ALKAL2: variants seen among roughly 807,000 people sequenced by gnomAD.
ALKAL2 encodes AUG-alpha.
ALKAL2 carries 8 observed loss-of-function variants against 18.5 expected under a neutral mutation model. The ratio of observed to expected loss-of-function variants is 0.43; its 90% confidence interval spans 0.25 to 0.78. The LOEUF (loss-of-function observed/expected upper bound fraction) is 0.78. Among genes scored for constraint, ALKAL2 ranks in the 30% least tolerant of loss-of-function variants. The probability of loss-of-function intolerance (pLI) is 0.22; values close to 1 mark genes in which losing one functional copy is unlikely to be tolerated. For synonymous variants in ALKAL2, 135 were observed against 95.8 expected, an observed-to-expected ratio of 1.41 and a Z score of -2.39; for missense variants, 241 against 211.2, an observed-to-expected ratio of 1.14 and a Z score of -0.88.
chr2:279,999 T>C lies in ALKAL2; in HGVS notation c.*148A>G. 2 of 845,204 alleles carry C rather than the reference T, an allele frequency of 2.4e-6. No individual in the cohort carries two copies. Among genetic ancestry groups the C allele is most frequent in the Middle Eastern group, 2.3e-4 (1 of 4,402 alleles). 52.4% of individuals were successfully genotyped at this position (845,204 alleles called of 1,614,324 possible). On this transcript the variant is annotated 3_prime_UTR_variant, in exon 6 of 6. Coordinates refer to ENST00000403610, the MANE Select transcript of ALKAL2 (RefSeq NM_001002919.3). ...ATATATCTGCAAACTGTCAACAACATACAAAACTCAAAGGACTTATGGAAG... is the reference window on the plus strand; with the variant it reads ...ATATATCTGCAAACTGTCAACAACACACAAAACTCAAAGGACTTATGGAAG...
intron 5 of ALKAL2, among the ~76,000 whole-genome samples, chr2:282,336 G>T (rs1360873580): frequency 6.6e-6 from 1 of 152,248 alleles, no homozygotes; most frequent in African/African-American, 2.4e-5. Context: ...ATGTGCTCCG[G>T]ACAGCTATCA....
At position 283,488 on chromosome 2, in the gene ALKAL2, G is replaced by A. The variant is rs961754780; in HGVS notation, c.389-313C>T. On this transcript the variant is annotated intron_variant, in intron 4 of 5. Transcript: ENST00000403610. ...CTTCTCTCAGAAATAACTTCATTTCGCTTCCTACGTGACAATCCTTCCGTA... is the reference window on the plus strand; with the variant it reads ...CTTCTCTCAGAAATAACTTCATTTCACTTCCTACGTGACAATCCTTCCGTA... 7 of 985,278 alleles carry A rather than the reference G, an allele frequency of 7.1e-6. No homozygotes were observed. The African/African-American group carries it at 8.7e-5, about 12-fold the overall frequency. The allele number at this position is 985,278 out of a possible 1,614,324, so 61.0% of individuals were successfully genotyped here.
At chr2:286,866 G>A (rs915550324) in intron 2 of ALKAL2, 3 of 152,640 alleles carry the variant, frequency 2.0e-5, no homozygotes, top group Non-Finnish European at 4.4e-5. Context: ...GAATATGCAT[G>A]AACCTGGTTT....
rs767220052 is a variant in ALKAL2, at chr2:283,136, A to C, written c.428T>G (p.Val143Gly). The C allele has an allele frequency of 6.8e-6, 11 of 1,613,048 alleles. No individual in the cohort carries two copies. In the Admixed American group the frequency reaches 8.3e-5, roughly 12 times the overall value. Reference sequence around the variant, plus strand: ...CTTATCCTCCATGCACACTGGACTGACAGCCAGCCGGGTAAGAAGCCTGGC... The same window carrying C: ...CTTATCCTCCATGCACACTGGACTGCCAGCCAGCCGGGTAAGAAGCCTGGC... ...RCARLLTRLA[V>G]SPVCMEDKQ is the part of the protein sequence containing the mutation. The change falls in exon 5 of 6, where the codon GTC becomes GGC. Residue 143 changes from valine (V) to glycine (G), a missense_variant. By Grantham distance (109) the Val-to-Gly change is moderately radical. Transcript: ENST00000403610.
rs1670275854 is a variant in ALKAL2 at position 279,785 on chromosome 2, G to C, written c.*362C>G. On this transcript the variant is annotated 3_prime_UTR_variant, in exon 6 of 6. Transcript: ENST00000403610. ...AAAGTAATACAGAATATCAAATTAT[G>C]TTATATGAAAATATACTTTAAGATT... The C allele has an allele frequency of 4.5e-6, 1 of 220,050 alleles. No homozygotes were observed. Among genetic ancestry groups the C allele is most frequent in the African/African-American group, 2.2e-5 (1 of 44,562 alleles). 13.6% of individuals were successfully genotyped at this position (220,050 alleles called of 1,614,324 possible). A position where few individuals can be genotyped will look rare whatever the true frequency, so the allele number is the denominator to read the frequency against.
At chr2:283,063 G>A (rs1670402657) in intron 5 of ALKAL2, 48 bp downstream of exon 5, 1 of 1,554,166 alleles carries the variant, frequency 6.4e-7, no homozygotes. Context: ...TCCCAAGCGG[G>A]ATTCCCATCT....
chr2:287,783 GC>G lies in ALKAL2; in HGVS notation c.52del (p.Ala18ArgfsTer74). ...LLLGLLLVLGAAGRGRGGAEP... is the reference protein window; with the variant it reads ...LLLGLLLVLGXAGRGRGGAEP... ...CGCGCCCCCCCGGCCGCGCCCCGCCGCCCCCAGCACCAGCAGCAGCCCCAGG... is the reference window on the plus strand; with the variant it reads ...CGCGCCCCCCCGGCCGCGCCCCGCCGCCCCAGCACCAGCAGCAGCCCCAGG... On this transcript the variant is annotated frameshift_variant, in exon 2 of 6. Coordinates refer to ENST00000403610, the MANE Select transcript of ALKAL2 (RefSeq NM_001002919.3). LOFTEE classifies it high-confidence loss of function. 2.3e-6 allele frequency: 3 copies of G among 1,284,768 alleles called. No individual in the cohort carries two copies. The highest frequency in any genetic ancestry group is 1.6e-5 in the South Asian group (1 of 60,944). The allele number at this position is 1,284,768 out of a possible 1,614,324, so 79.6% of individuals were successfully genotyped here.
chr2:288,049 G>A lies in ALKAL2; in HGVS notation c.-94C>T, dbSNP rs1670591302. 1 of 1,214,374 alleles carries A rather than the reference G, an allele frequency of 8.2e-7. No individual in the cohort carries two copies. The allele number at this position is 1,214,374 out of a possible 1,614,324, so 75.2% of individuals were successfully genotyped here. On this transcript the variant is annotated 5_prime_UTR_variant, in exon 1 of 6. Coordinates refer to ENST00000403610, the MANE Select transcript of ALKAL2 (RefSeq NM_001002919.3). Reference sequence around the variant, plus strand: ...CCGAGGAACAAGCCGGCAGGTGAGGGAGCCGCGGTCTCCTCGACGATCACG... The same window carrying A: ...CCGAGGAACAAGCCGGCAGGTGAGGAAGCCGCGGTCTCCTCGACGATCACG...
At chr2:280,178 T>C in intron 5 of ALKAL2, 26 bp from the exon 6 acceptor site, 1 of 1,613,870 alleles carries the variant, frequency 6.2e-7, no homozygotes, top group South Asian at 1.1e-5. Context: ...TTGCGTGTGA[T>C]ATGACTATCC....
chr2:285,272 A>G (rs1380536082), intron 4 of ALKAL2, among the ~76,000 whole-genome samples: 3 of 152,224 alleles, frequency 2.0e-5, no homozygotes, highest in Admixed American at 1.3e-4. Context: ...AAAAGCACTT[A>G]TACTTCGTGT....
At chr2:282,019 A>C (rs1489836172) in intron 5 of ALKAL2, among the ~76,000 whole-genome samples, 1 of 152,206 alleles carries the variant, frequency 6.6e-6, no homozygotes, top group Non-Finnish European at 1.5e-5. Context: ...AAGTGCAGTG[A>C]AACTGTGCAA....
At position 286,148 on chromosome 2, in the gene ALKAL2, G is replaced by A. The variant is rs1437903998; in HGVS notation, c.363C>T (p.Asn121=). The A allele has an allele frequency of 3.7e-6, 6 of 1,613,720 alleles. No homozygotes were observed. The highest frequency in any genetic ancestry group is 4.2e-6 in the Non-Finnish European group (5 of 1,179,756). ...ATGCAGGAATGGTGCAGTCTCTGGTGTTGTGATAAAGTCTATGGAAGTGTT... is the reference window on the plus strand; with the variant it reads ...ATGCAGGAATGGTGCAGTCTCTGGTATTGTGATAAAGTCTATGGAAGTGTT... ...CSKHFHRLYH[N]TRDCTIPAYY... is the part of the protein sequence containing the mutation. Residue 121 remains asparagine, a synonymous_variant, in exon 4 of 6, where the codon AAC becomes AAT. Coordinates refer to ENST00000403610, the MANE Select transcript of ALKAL2 (RefSeq NM_001002919.3).
rs1013023445 is a variant in ALKAL2 at position 287,847 on chromosome 2, G to A, written c.-12C>T. ...CCGGGTCCGCGCATCGTGCGCTCGG[G>A]GCCGCGGGGCTGGGAGACTCCGACA... On this transcript the variant is annotated 5_prime_UTR_variant, in exon 2 of 6. Transcript: ENST00000403610. The A allele has an allele frequency of 3.1e-6, 4 of 1,301,084 alleles. No individual in the cohort carries two copies. The highest frequency in any genetic ancestry group is 3.1e-5 in the African/African-American group (2 of 64,466). The allele number at this position is 1,301,084 out of a possible 1,614,324, so 80.6% of individuals were successfully genotyped here.
At chr2:287,499 G>T in intron 2 of ALKAL2, 84 bp downstream of exon 2, 235 of 697,332 alleles carry the variant, frequency 3.4e-4, no homozygotes, top group Non-Finnish European at 4.2e-4. Flanking sequence ...GGTCAAAATT[G>T]ATGTCTCTTT....
chr2:281,530 A>G (rs547898774), intron 5 of ALKAL2, among the ~76,000 whole-genome samples: 3 of 152,354 alleles, frequency 2.0e-5, no homozygotes, highest in Admixed American at 2.0e-4. Flanking sequence ...TTTGCAAAGC[A>G]GGACGTGCGC....
intron 4 of ALKAL2, chr2:283,634 G>C (rs2103082519): frequency 2.0e-6 from 2 of 979,442 alleles, no homozygotes; most frequent in Non-Finnish European, 2.4e-6. Flanking sequence ...CAGAGCAGAG[G>C]CCTGGAGTGG....
chr2:284,002 T>C (rs887517760), intron 4 of ALKAL2, among the ~76,000 whole-genome samples: 1 of 152,232 alleles, frequency 6.6e-6, no homozygotes, highest in African/African-American at 2.4e-5. Flanking sequence ...TGGCATATAT[T>C]GTTAGGGATT....
rs539265299 is a variant in ALKAL2, at chr2:287,606, C to T, written c.230G>A (p.Gly77Glu). ...ALGRAEAAGL[G>E]PSPEQRVEIV... ...ACCCACTCGCTGCTCCGGCGAAGGC[C>T]CCAGCCCCGCCGCCTCCGCGCGGCC... The change falls in exon 2 of 6, where the codon GGG becomes GAG. Residue 77 changes from glycine (G) to glutamate (E), a missense_variant. Gly to Glu is a moderately conservative substitution (Grantham distance 98). Coordinates refer to ENST00000403610, the MANE Select transcript of ALKAL2 (RefSeq NM_001002919.3). 4 of 1,475,278 alleles carry T rather than the reference C, an allele frequency of 2.7e-6. No homozygotes were observed. The highest frequency in any genetic ancestry group is 4.8e-5 in the Admixed American group (2 of 42,018). 91.4% of individuals were successfully genotyped at this position (1,475,278 alleles called of 1,614,324 possible).
chr2:281,257 A>G (rs1670333348), intron 5 of ALKAL2, among the ~76,000 whole-genome samples: 1 of 152,246 alleles, frequency 6.6e-6, no homozygotes, highest in Non-Finnish European at 1.5e-5. Flanking sequence ...ATTATAGTTA[A>G]CAGGGTATCA....
Sources: allele counts gnomAD v4.1 joint callset (sites outside exome capture counted in the v4.1 genomes callset), GRCh38; gene constraint gnomAD v4.1.1; transcripts MANE v1.5; gene names NCBI Gene and HGNC (gene_info 2026-07-23, HGNC 2026-07-21).